Variants in RGS22 observed in about 807,000 individuals in gnomAD.
RGS22 encodes the protein regulator of G protein signaling 22.
Under a neutral mutation model 172.9 loss-of-function variants are expected in RGS22, and 148 were observed. The ratio of observed to expected loss-of-function variants is 0.86; its 90% CI spans 0.75 to 0.98. RGS22 has a LOEUF of 0.98. Ranked by LOEUF, RGS22 falls within the 50% of genes least tolerant of loss-of-function variation. The pLI, the probability that RGS22 is intolerant of heterozygous loss-of-function variation, is 0.00. For synonymous variants in RGS22, 458 were observed against 480.2 expected (o/e 0.95, Z 0.60); for missense variants, 1,347 against 1,440.8 (o/e 0.93, Z 1.05).
At chr8:100,044,690 T>C (rs897813373) in intron 11 of RGS22, among the ~76,000 whole-genome samples, 11 of 150,862 alleles carry the variant, frequency 7.3e-5, no homozygotes, top group African/African-American at 1.5e-4. Flanking sequence ...ATTCTCTGCC[T>C]TTACTGTAAA....
chr8:100,037,233 G>A (rs1475696440), intron 14 of RGS22, among the ~76,000 whole-genome samples: 2 of 152,166 alleles, frequency 1.3e-5, no homozygotes, highest in African/African-American at 4.8e-5. Flanking sequence ...GTTCAAGGCT[G>A]CAGTGAGCTA....
At position 99,978,054 on chromosome 8, in the gene RGS22, A is replaced by T. The variant is rs758013211; in HGVS notation, c.3382T>A (p.Phe1128Ile). ...EAQMTIFGVL[F>I]KFWPQFCEFR... ...TCACAGAACTGAGGCCAGAATTTAA[A>T]CAGAACCCCAAAAATTGTCATCTGT... Residue 1128 changes from phenylalanine to isoleucine, a missense_variant, in exon 23 of 28, where the codon TTT (phenylalanine) becomes ATT (isoleucine). By Grantham distance (21) the Phe-to-Ile change is conservative. Coordinates refer to ENST00000360863, the MANE Select transcript of RGS22 (RefSeq NM_015668.5). 1 of 1,520,524 alleles carries T rather than the reference A, an allele frequency of 6.6e-7. No individual in the cohort carries two copies. The highest frequency in any genetic ancestry group is 2.5e-5 in the East Asian group (1 of 40,252). The allele number at this position is 1,520,524 out of a possible 1,614,324, so 94.2% of individuals were successfully genotyped here. A position where few individuals can be genotyped will look rare whatever the true frequency, so the allele number is the denominator to read the frequency against.
At chr8:100,028,739 C>G (rs1203899139) in intron 14 of RGS22, among the ~76,000 whole-genome samples, 3 of 152,164 alleles carry the variant, frequency 2.0e-5, no homozygotes, top group East Asian at 3.8e-4. Context: ...TAATACATAG[C>G]AGAATTAGTT....
At chr8:100,089,015 G>C (rs555413464) in intron 3 of RGS22, among the ~76,000 whole-genome samples, 2 of 151,946 alleles carry the variant, frequency 1.3e-5, no homozygotes, top group Non-Finnish European at 2.9e-5. Context: ...GGAAGATGTT[G>C]AAATAAAAAC....
chr8:100,057,127 C>T (rs1020447321), intron 9 of RGS22, among the ~76,000 whole-genome samples: 5 of 152,208 alleles, frequency 3.3e-5, no homozygotes, highest in African/African-American at 1.2e-4. Flanking sequence ...TAAGATTTGG[C>T]TGTCCTGCTG....
chr8:100,027,723 T>C (rs1213719381), intron 14 of RGS22, among the ~76,000 whole-genome samples: 1 of 152,174 alleles, frequency 6.6e-6, no homozygotes, highest in African/African-American at 2.4e-5. Context: ...GCTCAGTTGA[T>C]CCACCTACCT....
At chr8:99,964,096 A>G (rs1477986016) in intron 24 of RGS22, among the ~76,000 whole-genome samples, 1 of 152,080 alleles carries the variant, frequency 6.6e-6, no homozygotes, top group Non-Finnish European at 1.5e-5. Flanking sequence ...TTTAACCGAT[A>G]AGGTAAGAGG....
At chr8:100,088,823 TTA>T in intron 3 of RGS22, among the ~76,000 whole-genome samples, 1 of 151,912 alleles carries the variant, frequency 6.6e-6, no homozygotes, top group South Asian at 2.1e-4. Flanking sequence ...GGGCATGTCA[TTA>T]CAGATAGGGA....
intron 2 of RGS22, among the ~76,000 whole-genome samples, chr8:100,100,587 G>A (rs887248396): frequency 2.6e-5 from 4 of 152,134 alleles, no homozygotes; most frequent in Non-Finnish European, 4.4e-5. Flanking sequence ...ATTGCACCTG[G>A]CCTTTTTCTG....
In RGS22 at chr8:99,972,120, G is replaced by A. The variant is rs181049692; in HGVS notation, c.3519+5797C>T. Among the ~76,000 whole-genome samples the A allele has an allele frequency of 1.3e-4, 20 of 152,086 alleles. No individual in the cohort carries two copies. In the East Asian group the frequency reaches 1.4e-3, roughly 10 times the overall value. ...ATACATCTACAACCATCTGATCTTC[G>A]ACAAACCTGACAAAAACAAGCAATA... On this transcript the variant is annotated intron_variant, in intron 23 of 27. Coordinates refer to ENST00000360863, the MANE Select transcript of RGS22 (RefSeq NM_015668.5).
intron 3 of RGS22, among the ~76,000 whole-genome samples, chr8:100,082,598 G>A (rs1230144541): frequency 6.6e-6 from 1 of 152,146 alleles, no homozygotes; most frequent in Admixed American, 6.5e-5. Context: ...AAAACTGATG[G>A]TAGGGATGGC....
intron 9 of RGS22, among the ~76,000 whole-genome samples, chr8:100,061,017 C>G (rs1017868948): frequency 6.6e-6 from 1 of 152,042 alleles, no homozygotes. Context: ...GACCACATAC[C>G]TACAACTATC....
In RGS22 at chr8:100,062,628, T is replaced by G; in HGVS notation, c.1477A>C (p.Ile493Leu). Residue 493 changes from isoleucine (I) to leucine (L), a missense_variant, in exon 9 of 28, where the codon ATT becomes CTT. By Grantham distance (5) the Ile-to-Leu change is conservative. Coordinates refer to ENST00000360863, the MANE Select transcript of RGS22 (RefSeq NM_015668.5). ...SQWNEEHLRN[I>L]QSEVLKPLLL... ...AAAGGTTTTAAAACTTCAGACTGAATATTTCTTAAATGCTCTTCATTCCAC... is the reference window on the plus strand; with the variant it reads ...AAAGGTTTTAAAACTTCAGACTGAAGATTTCTTAAATGCTCTTCATTCCAC... 6.2e-7 allele frequency: 1 copy of G among 1,605,154 alleles called. No individual in the cohort carries two copies. Among genetic ancestry groups the G allele is most frequent in the African/African-American group, 1.3e-5 (1 of 74,644 alleles).
intron 24 of RGS22, among the ~76,000 whole-genome samples, chr8:99,963,762 C>T (rs200798528): frequency 1.3e-5 from 2 of 151,956 alleles, no homozygotes; most frequent in East Asian, 1.9e-4. Context: ...TATGCAAATA[C>T]CATGTTGTTT....
At chr8:100,036,406 A>G (rs541461629) in intron 14 of RGS22, among the ~76,000 whole-genome samples, 1 of 152,310 alleles carries the variant, frequency 6.6e-6, no homozygotes, top group East Asian at 1.9e-4. Context: ...CTCTTTAGTC[A>G]TGCTAATCAC....
intron 24 of RGS22, 35 bp downstream of exon 24, chr8:99,965,300 G>A (rs374195094): frequency 3.6e-5 from 50 of 1,389,958 alleles, no homozygotes; most frequent in African/African-American, 1.1e-4. Context: ...ATGCTCCAGC[G>A]GGGAAATGAG....
intron 20 of RGS22, among the ~76,000 whole-genome samples, chr8:99,995,340 T>C (rs1038292401): frequency 1.3e-5 from 2 of 151,980 alleles, no homozygotes; most frequent in African/African-American, 4.8e-5. Flanking sequence ...ACCTACAAAA[T>C]GGGAGAAAAT....
At chr8:99,981,525 T>C (rs73702103) in intron 22 of RGS22, among the ~76,000 whole-genome samples, 4,096 of 152,170 alleles carry the variant, frequency 0.027, 158 homozygotes, top group African/African-American at 0.092. Flanking sequence ...TAATATTTAA[T>C]TTTATTTACT....
At chr8:99,967,334 T>C (rs1301148757) in intron 23 of RGS22, among the ~76,000 whole-genome samples, 1 of 142,918 alleles carries the variant, frequency 7.0e-6, no homozygotes, top group Admixed American at 7.0e-5. Context: ...CGGGAGTTTG[T>C]TTTTTTTTTT....
Sources: allele counts gnomAD v4.1 joint callset (sites outside exome capture counted in the v4.1 genomes callset), GRCh38; gene constraint gnomAD v4.1.1; transcripts MANE v1.5; gene names NCBI Gene and HGNC (gene_info 2026-07-23, HGNC 2026-07-21).